CXXC5: variants seen among roughly 807,000 people sequenced by gnomAD.
CXXC5 encodes CXXC-type zinc finger protein 5.
In CXXC5, 2 loss-of-function variants were observed where a neutral mutation model predicts 17.6. The observed-to-expected ratio is 0.11, with a 90% CI of 0.05 to 0.36. CXXC5 has a LOEUF of 0.36. CXXC5 is among the 10% of genes least tolerant of loss of function. The pLI is 1.00. For missense variants in CXXC5, 343 were observed against 458.3 expected (o/e 0.75, Z 2.30); for synonymous variants, 171 against 193.0 (o/e 0.89, Z 0.94).
At chr5:139,682,363 T>C (rs1012493191) in intron 2 of CXXC5, among the ~76,000 whole-genome samples, 2 of 50,120 alleles carry the variant, frequency 4.0e-5, no homozygotes, top group African/African-American at 3.7e-4. Flanking sequence ...AGCCCTTCCA[T>C]TTCTGCTCTC....
rs1482340168 is a variant in CXXC5, at chr5:139,661,405, G to A, written c.-161+12560G>A. On this transcript the variant is annotated intron_variant, in intron 1 of 2. Transcript: ENST00000302517. This position sits in a 1 kb window ranked among gnomAD's most constrained non-coding sequence, Gnocchi z 4.7. The stretch of plus-strand genomic sequence containing the variant: ...ACTTGCAGCACACGTAGTTCCACAC[G>A]ACTCAGCACACCCAGCCGACACGCG... Among the ~76,000 whole-genome samples, 2 of 152,100 alleles carry A rather than the reference G, an allele frequency of 1.3e-5. No homozygotes were observed. The highest frequency in any genetic ancestry group is 1.5e-5 in the Non-Finnish European group (1 of 68,016).
At chr5:139,674,716 T>G (rs1017851779) in intron 1 of CXXC5, among the ~76,000 whole-genome samples, 5 of 152,206 alleles carry the variant, frequency 3.3e-5, no homozygotes, top group Non-Finnish European at 7.3e-5. Context: ...ATAAAACTGT[T>G]TTTTAAAAAT....
In CXXC5 at chr5:139,681,179, G is replaced by A. The variant is rs1302917921; in HGVS notation, c.656G>A (p.Gly219Asp). Residue 219 changes from glycine (G) to aspartate (D), a missense_variant, in exon 2 of 3, where the codon GGC becomes GAC. This residue lies in a region of CXXC5 where 297 missense variants were observed against 363.4 expected (regional missense o/e 0.82). Coordinates refer to ENST00000302517, the MANE Select transcript of CXXC5 (RefSeq NM_016463.9). The part of the protein sequence containing the change: ...PYLGAFPINP[G>D]LFIMTPAGVF... ...CTGGGCGCTTTCCCCATCAACCCAG[G>A]CCTCTTCATTATGACCCCGGCAGGT... 6.2e-7 allele frequency: 1 copy of A among 1,612,938 alleles called. No individual in the cohort carries two copies.
intron 1 of CXXC5, 129 bp from the exon 2 acceptor site, chr5:139,680,235 T>TC: frequency 2.0e-6 from 1 of 501,264 alleles, no homozygotes; most frequent in Non-Finnish European, 3.6e-6. Context: ...AGGATGGATC[T>TC]GGTGCTTAAT....
chr5:139,668,380 C>T lies in CXXC5; in HGVS notation c.-160-11984C>T, dbSNP rs1172485284. On this transcript the variant is annotated intron_variant, in intron 1 of 2. Transcript: ENST00000302517. This position sits in a 1 kb window ranked among gnomAD's most constrained non-coding sequence, Gnocchi z 4.1. ...CTGCCGCCTCCCAGCCGGACGCGGACGTGCCTGCGCGGCTCTGGCGGCCGC... is the reference window on the plus strand; with the variant it reads ...CTGCCGCCTCCCAGCCGGACGCGGATGTGCCTGCGCGGCTCTGGCGGCCGC... 1.3e-5 allele frequency among the ~76,000 whole-genome samples: 2 copies of T among 152,016 alleles called. No homozygotes were observed. Among genetic ancestry groups the T allele is most frequent in the South Asian group, 2.1e-4 (1 of 4,824 alleles).
intron 1 of CXXC5, among the ~76,000 whole-genome samples, chr5:139,665,427 C>G (rs1002681122): frequency 1.6e-4 from 25 of 152,238 alleles, no homozygotes; most frequent in Non-Finnish European, 1.3e-4. Context: ...CTGGAATGCT[C>G]TGGTCTCTCA....
chr5:139,660,382 C>T (rs989070158), intron 1 of CXXC5, among the ~76,000 whole-genome samples: 2 of 152,190 alleles, frequency 1.3e-5, no homozygotes, highest in Admixed American at 1.3e-4. Flanking sequence ...GGCCAGGATC[C>T]GGCCAGGGCA....
In CXXC5 at chr5:139,678,810, C is replaced by T. The variant is rs528104111; in HGVS notation, c.-160-1554C>T. Among the ~76,000 whole-genome samples, 17 of 152,302 alleles carry T rather than the reference C, an allele frequency of 1.1e-4. No homozygotes were observed. The East Asian group carries it at 2.7e-3, about 24-fold the overall frequency. ...GGCGTGATGGGGCCCGCCAGATGTGCGCCTCCCCCTTGAGCCTCCAGCTGC... is the reference window on the plus strand; with the variant it reads ...GGCGTGATGGGGCCCGCCAGATGTGTGCCTCCCCCTTGAGCCTCCAGCTGC... On this transcript the variant is annotated intron_variant, in intron 1 of 2. Transcript: ENST00000302517.
At chr5:139,675,988 C>G (rs1756760622) in intron 1 of CXXC5, among the ~76,000 whole-genome samples, 1 of 148,720 alleles carries the variant, frequency 6.7e-6, no homozygotes, top group South Asian at 2.2e-4. Flanking sequence ...CCTCCACTGC[C>G]AGGAAGGTGG....
chr5:139,662,108 G>A (rs958903975), intron 1 of CXXC5, among the ~76,000 whole-genome samples: 1 of 152,130 alleles, frequency 6.6e-6, no homozygotes, highest in African/African-American at 2.4e-5. Context: ...AGAGATGGGG[G>A]GAAGAATGAG....
In CXXC5 at chr5:139,670,375, C is replaced by G. The variant is rs1581603715; in HGVS notation, c.-160-9989C>G. ...TGGGACAGATTCTCAGCTAGTGGAA[C>G]CCTGGGTTGGTTTCTCAGAGGCACA... On this transcript the variant is annotated intron_variant, in intron 1 of 2. Coordinates refer to ENST00000302517, the MANE Select transcript of CXXC5 (RefSeq NM_016463.9). The surrounding 1 kb of genome is among the most constrained non-coding windows in gnomAD (Gnocchi z 4.2). Among the ~76,000 whole-genome samples, 1 of 152,280 alleles carries G rather than the reference C, an allele frequency of 6.6e-6. No homozygotes were observed. Among genetic ancestry groups the G allele is most frequent in the Middle Eastern group, 3.4e-3 (1 of 294 alleles).
chr5:139,677,731 G>A (rs1756934874), intron 1 of CXXC5, among the ~76,000 whole-genome samples: 1 of 152,232 alleles, frequency 6.6e-6, no homozygotes, highest in Non-Finnish European at 1.5e-5. Flanking sequence ...CCCTGAAGAA[G>A]GATAGAATAG....
intron 1 of CXXC5, among the ~76,000 whole-genome samples, chr5:139,654,047 G>C (rs1336493005): frequency 1.3e-5 from 2 of 152,090 alleles, no homozygotes; most frequent in African/African-American, 2.4e-5. Flanking sequence ...TACCTGGTAT[G>C]GGGGCTCTGG....
At chr5:139,654,964 A>G (rs905031300) in intron 1 of CXXC5, among the ~76,000 whole-genome samples, 7 of 152,084 alleles carry the variant, frequency 4.6e-5, no homozygotes, top group Non-Finnish European at 7.4e-5. Context: ...CCCTCCCCAC[A>G]GGTCTCTGTG....
Position 139,681,053 on chromosome 5 carries a change from A to G in CXXC5, c.530A>G (p.Gln177Arg). The G allele has an allele frequency of 6.2e-7, 1 of 1,611,688 alleles. No homozygotes were observed. Among genetic ancestry groups the G allele is most frequent in the Non-Finnish European group, 8.5e-7 (1 of 1,179,996 alleles). ...QSTEMLKRVV[Q>R]EHLPLMSEAG... ...ACAGAGATGCTGAAGCGCGTGGTGC[A>G]GGAGCATCTCCCGCTGATGAGCGAG... The change falls in exon 2 of 3, where the codon CAG (glutamine) becomes CGG (arginine). Residue 177 changes from glutamine to arginine, a missense_variant. By Grantham distance (43) the Gln-to-Arg change is conservative. Around this residue, in one of 4 missense-constraint regions of CXXC5, gnomAD observed 297 missense variants for 363.4 expected, o/e 0.82. Transcript: ENST00000302517.
At chr5:139,666,678 C>T (rs952638354) in intron 1 of CXXC5, among the ~76,000 whole-genome samples, 1 of 152,310 alleles carries the variant, frequency 6.6e-6, no homozygotes, top group African/African-American at 2.4e-5. Flanking sequence ...TTTGCTCATG[C>T]GGGAAATGGG....
chr5:139,655,196 C>T (rs1755420021), intron 1 of CXXC5, among the ~76,000 whole-genome samples: 1 of 152,126 alleles, frequency 6.6e-6, no homozygotes, highest in Non-Finnish European at 1.5e-5. Context: ...CCCATCCCAC[C>T]CTCAGCCTGT....
chr5:139,659,331 TC>T (rs1372703522), intron 1 of CXXC5, among the ~76,000 whole-genome samples: 1 of 152,046 alleles, frequency 6.6e-6, no homozygotes, highest in Non-Finnish European at 1.5e-5. Context: ...AGGAAGTGTT[TC>T]CTCCACTGGT....
intron 2 of CXXC5, among the ~76,000 whole-genome samples, chr5:139,682,126 G>A (rs1160947168): frequency 6.6e-6 from 1 of 152,166 alleles, no homozygotes; most frequent in Non-Finnish European, 1.5e-5. Context: ...CTGCACCCCT[G>A]TGGCAGGGCC....
Sources: gnomAD v4.1 joint callset for allele counts (sites outside exome capture counted in the v4.1 genomes callset) on GRCh38, gnomAD v4.1.1 for gene constraint, gnomAD v4.1.1 regional missense constraint, Gnocchi (gnomAD v3.1) non-coding constraint, MANE v1.5 for transcripts, NCBI Gene and HGNC (gene_info 2026-07-23, HGNC 2026-07-21) for gene names.